Variants in HYCC1 observed in about 807,000 individuals in gnomAD.
HYCC1 encodes the protein hyccin.
At chr7:22,964,406 G>A in the HYCC1 span, 1 of 1,432,688 alleles carries the variant, frequency 7.0e-7, no homozygotes, top group Non-Finnish European at 9.9e-7. Context: ...CATATGATGA[G>A]ATACTTACAA....
At chr7:22,932,702 T>C in the HYCC1 span, among the ~76,000 whole-genome samples, 2 of 152,238 alleles carry the variant, frequency 1.3e-5, no homozygotes, top group East Asian at 3.9e-4. Context: ...GGCTAAGACT[T>C]TGAAGGATGC....
At chr7:22,987,343 T>C in the HYCC1 span, among the ~76,000 whole-genome samples, 1 of 152,130 alleles carries the variant, frequency 6.6e-6, no homozygotes, top group Admixed American at 6.5e-5. Flanking sequence ...AGGCCAGGAG[T>C]TCGAGACCAG....
At chr7:22,943,744 G>C in the HYCC1 span, 2 of 152,538 alleles carry the variant, frequency 1.3e-5, no homozygotes, top group African/African-American at 4.8e-5. Flanking sequence ...AATTCACAGT[G>C]ATATTTTACA....
the HYCC1 span, among the ~76,000 whole-genome samples, chr7:22,927,492 A>T: frequency 2.9e-4 from 44 of 152,246 alleles, 1 homozygote; most frequent in Admixed American, 2.9e-3. Context: ...ATAAAAAATG[A>T]CAAAGGGGAT....
At chr7:23,014,115 T>G in the HYCC1 span, 3 of 468,680 alleles carry the variant, frequency 6.4e-6, no homozygotes, top group Non-Finnish European at 1.3e-5. Flanking sequence ...GAGCCACCAC[T>G]GCCGCCAGCC....
chr7:22,905,899 T>C, the HYCC1 span, among the ~76,000 whole-genome samples: 1 of 152,238 alleles, frequency 6.6e-6, no homozygotes, highest in South Asian at 2.1e-4. Context: ...TGTGCCTTAT[T>C]GTTGTGTGAG....
At chr7:22,964,372 C>T in the HYCC1 span, 1 of 1,117,814 alleles carries the variant, frequency 8.9e-7, no homozygotes, top group African/African-American at 1.5e-5. Context: ...TATAATTTTC[C>T]AAAGAAATTA....
the HYCC1 span, among the ~76,000 whole-genome samples, chr7:22,968,226 A>G: frequency 1.3e-5 from 2 of 152,204 alleles, no homozygotes; most frequent in Non-Finnish European, 2.9e-5. Context: ...ATGGTGTATT[A>G]ACCAAAGTGG....
At chr7:22,969,605 CCT>C in the HYCC1 span, among the ~76,000 whole-genome samples, 1 of 151,572 alleles carries the variant, frequency 6.6e-6, no homozygotes, top group East Asian at 1.9e-4. Context: ...CTCATTGCAA[CCT>C]CCACATCCCG....
the HYCC1 span, among the ~76,000 whole-genome samples, chr7:22,914,390 C>T: frequency 6.6e-6 from 1 of 152,214 alleles, no homozygotes; most frequent in Admixed American, 6.5e-5. Context: ...CTTCCACCGT[C>T]TATTCCCCCT....
the HYCC1 span, chr7:22,985,739 G>C: frequency 2.5e-4 from 38 of 151,412 alleles, no homozygotes; most frequent in African/African-American, 8.0e-4. Context: ...CCTAATACTG[G>C]GGGAATTTAT....
chr7:22,948,203 A>G, the HYCC1 span, among the ~76,000 whole-genome samples: 6 of 152,098 alleles, frequency 3.9e-5, no homozygotes, highest in Admixed American at 6.6e-5. Context: ...TCAAAGCAAC[A>G]TAAGACTATG....
chr7:22,909,281 C>T, the HYCC1 span, among the ~76,000 whole-genome samples: 1 of 152,144 alleles, frequency 6.6e-6, no homozygotes, highest in Non-Finnish European at 1.5e-5. Flanking sequence ...CACCTCCCCA[C>T]CACCTCTTGT....
chr7:22,897,051 G>A, the HYCC1 span, among the ~76,000 whole-genome samples: 1 of 152,182 alleles, frequency 6.6e-6, no homozygotes, highest in Non-Finnish European at 1.5e-5. Context: ...AGGTTACTTT[G>A]GATGGAGCCA....
the HYCC1 span, among the ~76,000 whole-genome samples, chr7:22,973,926 G>C: frequency 6.6e-6 from 1 of 152,088 alleles, no homozygotes; most frequent in Non-Finnish European, 1.5e-5. Flanking sequence ...CGTCAAGAGT[G>C]GTTGGGCACT....
the HYCC1 span, among the ~76,000 whole-genome samples, chr7:22,961,967 C>T: frequency 6.6e-6 from 1 of 152,056 alleles, no homozygotes; most frequent in African/African-American, 2.4e-5. Context: ...GATATAGTGG[C>T]TTGATCAACT....
At chr7:22,945,859 T>C in the HYCC1 span, 1 of 1,613,772 alleles carries the variant, frequency 6.2e-7, no homozygotes. Flanking sequence ...TAGGTAGGGA[T>C]TGGCTGGTTG....
At chr7:22,913,502 C>A in the HYCC1 span, among the ~76,000 whole-genome samples, 20 of 152,194 alleles carry the variant, frequency 1.3e-4, no homozygotes, top group African/African-American at 4.6e-4. Context: ...TGTATACATC[C>A]AGATGGCCTG....
the HYCC1 span, chr7:22,946,967 T>C: frequency 1.9e-6 from 3 of 1,548,342 alleles, no homozygotes; most frequent in Non-Finnish European, 1.7e-6. Context: ...AGTGCAGTTA[T>C]AAAGTGCTCT....
Sources: gnomAD v4.1 joint callset for allele counts (sites outside exome capture counted in the v4.1 genomes callset) on GRCh38, gnomAD v4.1.1 for gene constraint, MANE v1.5 for transcripts, NCBI Gene and HGNC (gene_info 2026-07-23, HGNC 2026-07-21) for gene names.